The following LRRTM4 variants were observed in gnomAD, a reference collection of about 807,000 sequenced individuals.
LRRTM4 encodes the protein leucine rich repeat transmembrane neuronal 4.
LRRTM4 carries 25 observed loss-of-function variants against 47.6 expected under a neutral mutation model. The ratio of observed to expected loss-of-function variants is 0.53; its 90% CI spans 0.38 to 0.73. The LOEUF (loss-of-function observed/expected upper bound fraction) is 0.73. LRRTM4 is among the 30% of genes least tolerant of loss of function. The pLI is 0.00. For synonymous variants in LRRTM4, 311 were observed against 269.5 expected, an observed-to-expected ratio of 1.15 and a Z score of -1.51; for missense variants, 638 against 713.4, an observed-to-expected ratio of 0.89 and a Z score of 1.20.
chr2:77,360,264 T>C (rs1326010705), intron 3 of LRRTM4, among the ~76,000 whole-genome samples: 2 of 152,068 alleles, frequency 1.3e-5, no homozygotes, highest in East Asian at 1.9e-4. Flanking sequence ...GAGACTATCC[T>C]GGCTAACACG....
intron 3 of LRRTM4, among the ~76,000 whole-genome samples, chr2:77,097,725 T>TG (rs1305515412): frequency 6.6e-6 from 1 of 151,928 alleles, no homozygotes; most frequent in Admixed American, 6.6e-5. Flanking sequence ...TTCATTGTTG[T>TG]GGGGAAAAAC....
intron 3 of LRRTM4, among the ~76,000 whole-genome samples, chr2:77,419,050 A>G (rs1674760215): frequency 6.6e-6 from 1 of 152,150 alleles, no homozygotes; most frequent in Admixed American, 6.6e-5. Flanking sequence ...AGTCTTCTTT[A>G]TTTACTCATA....
At chr2:77,469,744 C>T (rs1230832534) in intron 3 of LRRTM4, among the ~76,000 whole-genome samples, 4 of 110,516 alleles carry the variant, frequency 3.6e-5, no homozygotes, top group African/African-American at 1.3e-4. Context: ...TATATATAAA[C>T]ATATATATGA....
At chr2:77,106,674 T>C (rs899751497) in intron 3 of LRRTM4, among the ~76,000 whole-genome samples, 1 of 152,210 alleles carries the variant, frequency 6.6e-6, no homozygotes, top group East Asian at 1.9e-4. Flanking sequence ...AAATTCTAGC[T>C]TAAAATGTTT....
intron 3 of LRRTM4, among the ~76,000 whole-genome samples, chr2:77,046,666 G>A (rs992655153): frequency 7.2e-5 from 11 of 151,888 alleles, no homozygotes; most frequent in Non-Finnish European, 1.6e-4. Context: ...TTCACACTAT[G>A]AGAAATAGTA....
At chr2:76,942,676 C>CAGTGTGTGTG (rs140227592) in intron 3 of LRRTM4, among the ~76,000 whole-genome samples, 1 of 148,208 alleles carries the variant, frequency 6.7e-6, no homozygotes, top group African/African-American at 2.5e-5. Context: ...CTCTAGGAAT[C>CAGTGTGTGTG]TGTGTGTGTG....
chr2:77,507,808 G>C (rs999324297), intron 3 of LRRTM4, among the ~76,000 whole-genome samples: 3 of 152,052 alleles, frequency 2.0e-5, no homozygotes, highest in Non-Finnish European at 4.4e-5. Context: ...GAATTCCAGA[G>C]TGGCATAGAC....
At chr2:77,294,921 A>G (rs1371299336) in intron 3 of LRRTM4, among the ~76,000 whole-genome samples, 1 of 152,014 alleles carries the variant, frequency 6.6e-6, no homozygotes, top group African/African-American at 2.4e-5. Flanking sequence ...AGTATATATG[A>G]TTTTTTCTGT....
chr2:77,458,343 G>A (rs962110049), intron 3 of LRRTM4, among the ~76,000 whole-genome samples: 7 of 152,046 alleles, frequency 4.6e-5, no homozygotes, highest in Admixed American at 6.6e-5. Flanking sequence ...CTGCCAAGTC[G>A]TTTCTTTTTG....
intron 3 of LRRTM4, among the ~76,000 whole-genome samples, chr2:77,051,899 C>T (rs1679444635): frequency 6.6e-6 from 1 of 152,078 alleles, no homozygotes; most frequent in African/African-American, 2.4e-5. Context: ...CCATTTCATT[C>T]TACTATGCTA....
At chr2:77,113,593 G>C (rs1269470086) in intron 3 of LRRTM4, among the ~76,000 whole-genome samples, 1 of 151,970 alleles carries the variant, frequency 6.6e-6, no homozygotes, top group Non-Finnish European at 1.5e-5. Context: ...GTAGATAAGG[G>C]AAACTAAGGT....
rs576064428 is a variant in LRRTM4 at position 76,748,594 on chromosome 2, T to C, written c.*101A>G. On this transcript the variant is annotated 3_prime_UTR_variant, in exon 4 of 4. Transcript: ENST00000409884. ...GCCATAAATGTTTTAACAGGAACGATGAGCTTGCTCGATTGCGCGATTGTG... is the reference window on the plus strand; with the variant it reads ...GCCATAAATGTTTTAACAGGAACGACGAGCTTGCTCGATTGCGCGATTGTG... 69 of 939,582 alleles carry C rather than the reference T, an allele frequency of 7.3e-5. No individual in the cohort carries two copies. In the African/African-American group the frequency reaches 7.8e-4, roughly 11 times the overall value. The allele number at this position is 939,582 out of a possible 1,614,324, so 58.2% of individuals were successfully genotyped here. A position where few individuals can be genotyped will look rare whatever the true frequency, so the allele number is the denominator to read the frequency against.
intron 3 of LRRTM4, among the ~76,000 whole-genome samples, chr2:76,807,418 A>ATG (rs1670529397): frequency 1.2e-5 from 1 of 84,590 alleles, no homozygotes; most frequent in Non-Finnish European, 2.1e-5. Flanking sequence ...GTATATATAT[A>ATG]TATATACATA....
intron 3 of LRRTM4, among the ~76,000 whole-genome samples, chr2:77,157,333 C>T (rs907702144): frequency 2.6e-5 from 4 of 151,876 alleles, no homozygotes; most frequent in Non-Finnish European, 4.4e-5. Context: ...AAAAACTGGG[C>T]AAAGAATTGC....
intron 3 of LRRTM4, among the ~76,000 whole-genome samples, chr2:77,330,211 A>C (rs2104248465): frequency 6.6e-6 from 1 of 152,158 alleles, no homozygotes; most frequent in Middle Eastern, 3.4e-3. Context: ...AGGTGGGGAG[A>C]CCATTTGTTC....
intron 3 of LRRTM4, among the ~76,000 whole-genome samples, chr2:77,371,992 T>TTTGC (rs1188456687): frequency 2.0e-5 from 3 of 151,776 alleles, no homozygotes; most frequent in African/African-American, 7.2e-5. Context: ...GAAGTTTATG[T>TTTGC]TTGCATTGGT....
At chr2:76,823,944 C>T (rs1469149311) in intron 3 of LRRTM4, among the ~76,000 whole-genome samples, 1 of 151,420 alleles carries the variant, frequency 6.6e-6, no homozygotes, top group Non-Finnish European at 1.5e-5. Context: ...ACATTATAAA[C>T]CATTCAACTT....
rs114536466 is a variant in LRRTM4 at position 76,894,452 on chromosome 2, A to C, written c.1552-145536T>G. Among the ~76,000 whole-genome samples, 327 of 152,196 alleles carry C rather than the reference A, an allele frequency of 2.1e-3. 7 individuals carry two copies. Among genetic ancestry groups the C allele is most frequent in the African/African-American group, 7.6e-3 (318 of 41,578 alleles). On this transcript the variant is annotated intron_variant, in intron 3 of 3. Transcript: ENST00000409884. ...ATTGACCAGTTTTGAGGATATGTCT[A>C]AACTATTTCATAAATTTGTTTGTAA...
intron 2 of LRRTM4, among the ~76,000 whole-genome samples, chr2:77,521,096 C>T (rs1679474180): frequency 6.6e-6 from 1 of 151,866 alleles, no homozygotes; most frequent in South Asian, 2.1e-4. Flanking sequence ...TTGCCAGCTA[C>T]AGACTCATTG....
Sources: gnomAD v4.1 joint callset for allele counts (sites outside exome capture counted in the v4.1 genomes callset) on GRCh38, gnomAD v4.1.1 for gene constraint, MANE v1.5 for transcripts, NCBI Gene and HGNC (gene_info 2026-07-23, HGNC 2026-07-21) for gene names.